Variants in TOX2 observed in about 807,000 individuals in gnomAD.
The protein encoded by TOX2 is granulosa cell HMG box 1.
In TOX2, 15 loss-of-function variants were observed where a neutral mutation model predicts 47.4. The observed-to-expected ratio is 0.32, with a 90% confidence interval of 0.21 to 0.49. The LOEUF (loss-of-function observed/expected upper bound fraction) is 0.49. Among genes scored for constraint, TOX2 ranks in the 20% least tolerant of loss-of-function variants. The pLI, the probability that TOX2 is intolerant of heterozygous loss-of-function variation, is 0.99. For missense variants in TOX2, 622 were observed against 673.1 expected (o/e 0.92, Z 0.84); for synonymous variants, 290 against 296.6 (o/e 0.98, Z 0.23).
intron 3 of TOX2, among the ~76,000 whole-genome samples, chr20:44,033,828 C>T (rs908435378): frequency 6.6e-6 from 1 of 152,132 alleles, no homozygotes; most frequent in Non-Finnish European, 1.5e-5. Flanking sequence ...GCTCCTGCAA[C>T]GGAAGGAATT....
chr20:43,951,923 G>A (rs887216209), intron 1 of TOX2, among the ~76,000 whole-genome samples: 4 of 151,276 alleles, frequency 2.6e-5, no homozygotes, highest in African/African-American at 9.7e-5. Context: ...TTGAGGCCGA[G>A]TCTCGCTCTG....
At chr20:43,927,368 G>A (rs886362628) in intron 1 of TOX2, among the ~76,000 whole-genome samples, 3 of 151,894 alleles carry the variant, frequency 2.0e-5, no homozygotes, top group Non-Finnish European at 2.9e-5. Flanking sequence ...TTTCCCCTGT[G>A]GGCTGGTATT....
chr20:43,971,348 C>G (rs1018360542), intron 1 of TOX2, among the ~76,000 whole-genome samples: 5 of 152,152 alleles, frequency 3.3e-5, no homozygotes, highest in African/African-American at 1.2e-4. Flanking sequence ...GGAACAAAGA[C>G]CAAGGGAAGG....
intron 3 of TOX2, among the ~76,000 whole-genome samples, chr20:44,007,703 G>C (rs1020770866): frequency 6.6e-5 from 10 of 152,080 alleles, no homozygotes; most frequent in African/African-American, 2.2e-4. Context: ...AGCCAGGTGT[G>C]GTGGCATGTA....
chr20:43,959,522 ATTTCT>A (rs1158672977), intron 1 of TOX2, among the ~76,000 whole-genome samples: 2 of 152,066 alleles, frequency 1.3e-5, no homozygotes, highest in Admixed American at 1.3e-4. Context: ...AATTTCAAAG[ATTTCT>A]TTTCTTCTTC....
At chr20:43,944,660 T>G (rs143350404) in intron 1 of TOX2, among the ~76,000 whole-genome samples, 67 of 152,338 alleles carry the variant, frequency 4.4e-4, no homozygotes, top group Middle Eastern at 3.4e-3. Context: ...TTGTTACAAG[T>G]GTTCAGGAAT....
At chr20:43,952,442 G>A (rs2069595509) in intron 1 of TOX2, among the ~76,000 whole-genome samples, 1 of 152,152 alleles carries the variant, frequency 6.6e-6, no homozygotes. Context: ...TGTGTTCCAT[G>A]ACAATCAGCA....
chr20:44,009,695 T>G (rs1030603347), intron 3 of TOX2, among the ~76,000 whole-genome samples: 4 of 152,228 alleles, frequency 2.6e-5, no homozygotes, highest in African/African-American at 9.6e-5. Flanking sequence ...TTCGTTAGAA[T>G]GCTTGTACCG....
chr20:44,028,020 A>G (rs566976453), intron 3 of TOX2, among the ~76,000 whole-genome samples: 25 of 152,298 alleles, frequency 1.6e-4, no homozygotes, highest in Admixed American at 3.9e-4. Flanking sequence ...GCAAAGCACC[A>G]GCCACGGTTC....
intron 3 of TOX2, among the ~76,000 whole-genome samples, chr20:44,025,382 C>A (rs1272236812): frequency 1.3e-5 from 2 of 150,016 alleles, no homozygotes; most frequent in Non-Finnish European, 3.0e-5. Context: ...GATGGAGTGA[C>A]CTCCTGGGGC....
chr20:43,949,581 T>C (rs974014611), intron 1 of TOX2, among the ~76,000 whole-genome samples: 1 of 152,240 alleles, frequency 6.6e-6, no homozygotes, highest in Non-Finnish European at 1.5e-5. Context: ...ATCACTGTCC[T>C]GCCACCTCCT....
intron 1 of TOX2, among the ~76,000 whole-genome samples, chr20:43,928,128 A>AGTT (rs1168724194): frequency 6.6e-6 from 1 of 152,154 alleles, no homozygotes; most frequent in Non-Finnish European, 1.5e-5. Flanking sequence ...GGAACAACAT[A>AGTT]TGCAAAGGCA....
intron 3 of TOX2, among the ~76,000 whole-genome samples, chr20:44,036,499 G>T (rs1321186658): frequency 1.3e-5 from 2 of 152,256 alleles, no homozygotes; most frequent in African/African-American, 4.8e-5. Context: ...GCATGCCTGA[G>T]TAAGAAGTAA....
chr20:44,014,931 T>TA lies in TOX2; in HGVS notation c.411+8143dup, dbSNP rs536813363. Among the ~76,000 whole-genome samples, 196 of 152,196 alleles carry TA rather than the reference T, an allele frequency of 1.3e-3. 1 individual carries two copies. The highest frequency in any genetic ancestry group is 4.6e-3 in the African/African-American group (191 of 41,536). On this transcript the variant is annotated intron_variant, in intron 3 of 8. Coordinates refer to ENST00000341197, the MANE Select transcript of TOX2 (RefSeq NM_001098797.2). The stretch of plus-strand genomic sequence containing the variant: ...AGGACCTCGGTCAGGGCTCAGAGCT[T>TA]AAAAGCAACAGCGGAGTGACAGTTC...
intron 1 of TOX2, among the ~76,000 whole-genome samples, chr20:43,930,458 G>T (rs1198767966): frequency 1.3e-5 from 2 of 152,226 alleles, no homozygotes; most frequent in African/African-American, 2.4e-5. Context: ...CAAGAGGGAT[G>T]ATGTTTGAAA....
chr20:43,953,194 G>A (rs1326362251), intron 1 of TOX2, among the ~76,000 whole-genome samples: 2 of 151,362 alleles, frequency 1.3e-5, no homozygotes, highest in East Asian at 3.9e-4. Flanking sequence ...GCCCAGTGAG[G>A]CTGATTTTAG....
intron 3 of TOX2, among the ~76,000 whole-genome samples, chr20:44,031,469 C>T (rs758589929): frequency 3.3e-5 from 5 of 152,046 alleles, no homozygotes; most frequent in South Asian, 4.2e-4. Flanking sequence ...CTGTTTGTCC[C>T]GCTGGACTTG....
At chr20:43,952,622 T>C (rs1294748258) in intron 1 of TOX2, among the ~76,000 whole-genome samples, 1 of 152,186 alleles carries the variant, frequency 6.6e-6, no homozygotes, top group Non-Finnish European at 1.5e-5. Flanking sequence ...CATAACCCAT[T>C]GGTCTAAACT....
At chr20:44,024,643 C>T (rs2071031400) in intron 3 of TOX2, among the ~76,000 whole-genome samples, 1 of 151,760 alleles carries the variant, frequency 6.6e-6, no homozygotes, top group African/African-American at 2.4e-5. Flanking sequence ...CACATGTTCA[C>T]TGTGAAAAAA....
Sources: gnomAD v4.1 joint callset for allele counts (sites outside exome capture counted in the v4.1 genomes callset) on GRCh38, gnomAD v4.1.1 for gene constraint, MANE v1.5 for transcripts, NCBI Gene and HGNC (gene_info 2026-07-23, HGNC 2026-07-21) for gene names.